PKD1L1: variants seen among roughly 807,000 people sequenced by gnomAD.
The protein encoded by PKD1L1 is polycystin 1 like 1, transient receptor potential channel interacting.
A neutral mutation model predicts 323.4 loss-of-function variants in PKD1L1; 236 were observed. The observed-to-expected ratio is 0.73, with a 90% CI of 0.66 to 0.81. The LOEUF (loss-of-function observed/expected upper bound fraction) is 0.81, where lower values mean the gene tolerates loss of function less well. Ranked by LOEUF, PKD1L1 falls within the 40% of genes least tolerant of loss-of-function variation. PKD1L1 has a pLI of 0.00. For missense variants in PKD1L1, 3,320 were observed against 3,508.0 expected, an observed-to-expected ratio of 0.95 and a Z score of 1.35; for synonymous variants, 1,344 against 1,335.0, an observed-to-expected ratio of 1.01 and a Z score of -0.15.
Position 47,902,450 on chromosome 7 carries a change from G to C in PKD1L1, c.1993C>G (p.Gln665Glu), listed in dbSNP as rs1192413153. Reference protein sequence around the residue: ...FNNVSASTLRQQLFIVCEPCQ... With the variant: ...FNNVSASTLREQLFIVCEPCQ... ...GGCTCGCACACGATGAAAAGTTGCT[G>C]TCTTAGAGTGGAGGCACTGACATTA... Residue 665 changes from glutamine (Q) to glutamate (E), a missense_variant, in exon 13 of 57, where the codon CAG becomes GAG. Transcript: ENST00000289672. 6.8e-6 allele frequency: 11 copies of C among 1,614,170 alleles called. No individual in the cohort carries two copies. The highest frequency in any genetic ancestry group is 9.3e-6 in the Non-Finnish European group (11 of 1,179,988).
At chr7:47,895,513 G>A (rs1786915787) in intron 14 of PKD1L1, among the ~76,000 whole-genome samples, 1 of 151,916 alleles carries the variant, frequency 6.6e-6, no homozygotes, top group Non-Finnish European at 1.5e-5. Flanking sequence ...GAGGGAGGGA[G>A]GGGTAAGAGG....
chr7:47,911,594 G>T (rs1404490151), intron 8 of PKD1L1, among the ~76,000 whole-genome samples: 1 of 152,140 alleles, frequency 6.6e-6, no homozygotes, highest in African/African-American at 2.4e-5. Context: ...TCTTCTAGGA[G>T]TTAATCCAAA....
intron 1 of PKD1L1, among the ~76,000 whole-genome samples, chr7:47,945,074 G>T (rs1788068029): frequency 2.0e-5 from 3 of 152,232 alleles, no homozygotes; most frequent in Middle Eastern, 3.4e-3. Context: ...CAGTCACCTT[G>T]CCTCTCTGTG....
chr7:47,793,268 C>T (rs1211113481), intron 55 of PKD1L1, among the ~76,000 whole-genome samples: 1 of 152,132 alleles, frequency 6.6e-6, no homozygotes, highest in Non-Finnish European at 1.5e-5. Context: ...CTGGATGATG[C>T]TTAAATATCA....
At chr7:47,917,215 AAAAG>A (rs1208247024) in intron 7 of PKD1L1, among the ~76,000 whole-genome samples, 1 of 152,204 alleles carries the variant, frequency 6.6e-6, no homozygotes, top group Non-Finnish European at 1.5e-5. Flanking sequence ...TTGAGCAAGT[AAAAG>A]AAAGAAATTC....
intron 23 of PKD1L1, among the ~76,000 whole-genome samples, chr7:47,874,708 A>G (rs1338475256): frequency 7.3e-6 from 1 of 137,448 alleles, no homozygotes; most frequent in Non-Finnish European, 1.5e-5. Context: ...CTATGCACGG[A>G]TATAGAAAAT....
chr7:47,800,201 G>A (rs761096010), intron 54 of PKD1L1, among the ~76,000 whole-genome samples: 1 of 152,212 alleles, frequency 6.6e-6, no homozygotes, highest in South Asian at 2.1e-4. Flanking sequence ...GTAGGAGGGC[G>A]TGAAACAGGG....
rs529613777 is a variant in PKD1L1, at chr7:47,864,782, G to A, written c.4149+434C>T. Among the ~76,000 whole-genome samples, 8 of 147,624 alleles carry A rather than the reference G, an allele frequency of 5.4e-5. No homozygotes were observed. The East Asian group carries it at 6.3e-4, about 12-fold the overall frequency. On this transcript the variant is annotated intron_variant, in intron 26 of 56. Coordinates refer to ENST00000289672, the MANE Select transcript of PKD1L1 (RefSeq NM_138295.5). ...TGCCCAGGCTGGAGTGCAGTGGCGC[G>A]ATCTCGGCTCACTGCAACCTCCGCC...
Position 47,827,205 on chromosome 7 carries a change from C to T in PKD1L1, c.6854+145G>A, listed in dbSNP as rs968484170. On this transcript the variant is annotated intron_variant, in intron 45 of 56. Coordinates refer to ENST00000289672, the MANE Select transcript of PKD1L1 (RefSeq NM_138295.5). ...CAGGTTGTTATATAAATAAGGATGG[C>T]TCTGGGGACAGCAAGGTGGTCCCCA... 24 of 641,290 alleles carry T rather than the reference C, an allele frequency of 3.7e-5. No individual in the cohort carries two copies. The African/African-American group carries it at 4.4e-4, about 12-fold the overall frequency. The allele number at this position is 641,290 out of a possible 1,614,324, so 39.7% of individuals were successfully genotyped here.
intron 13 of PKD1L1, among the ~76,000 whole-genome samples, chr7:47,898,596 T>A (rs1178220377): frequency 6.6e-6 from 1 of 152,078 alleles, no homozygotes; most frequent in African/African-American, 2.4e-5. Flanking sequence ...AATCAATGAA[T>A]ATAATAAGAA....
intron 26 of PKD1L1, among the ~76,000 whole-genome samples, chr7:47,862,618 G>C (rs138977576): frequency 6.5e-4 from 99 of 152,282 alleles, no homozygotes; most frequent in African/African-American, 2.3e-3. Context: ...AACAGGAAGA[G>C]AGGATAATAA....
intron 30 of PKD1L1, 142 bp downstream of exon 30, chr7:47,854,740 G>T: frequency 9.4e-7 from 1 of 1,067,740 alleles, no homozygotes; most frequent in Non-Finnish European, 1.4e-6. Context: ...CCAAACAGCA[G>T]AATAGATAAC....
At chr7:47,944,921 AATG>A (rs1192612893) in intron 1 of PKD1L1, among the ~76,000 whole-genome samples, 1 of 152,172 alleles carries the variant, frequency 6.6e-6, no homozygotes, top group African/African-American at 2.4e-5. Flanking sequence ...TTCAGCCAGA[AATG>A]GATGGTGTGA....
At chr7:47,921,947 C>T (rs1787552020) in intron 7 of PKD1L1, among the ~76,000 whole-genome samples, 1 of 147,954 alleles carries the variant, frequency 6.8e-6, no homozygotes, top group Admixed American at 6.8e-5. Flanking sequence ...TTTGCACAGT[C>T]TCCCTCTGAT....
In PKD1L1 at chr7:47,834,933, C is replaced by G. The variant is rs375512085; in HGVS notation, c.6127+34G>C. On this transcript the variant is annotated intron_variant, in intron 39 of 56. Transcript: ENST00000289672. ...GATTGGTGCAAAAGGCTCAGCCCCA[C>G]GGAGAGTTTCTGAGAGTTTTAATGT... 3 of 1,589,364 alleles carry G rather than the reference C, an allele frequency of 1.9e-6. 1 individual carries two copies. In the South Asian group the frequency reaches 3.3e-5, roughly 18 times the overall value.
chr7:47,817,737 A>G (rs1404979417), intron 46 of PKD1L1, among the ~76,000 whole-genome samples: 4 of 152,028 alleles, frequency 2.6e-5, no homozygotes, highest in Admixed American at 2.0e-4. Context: ...AGACATGGTG[A>G]TGGGCGCCTG....
intron 56 of PKD1L1, among the ~76,000 whole-genome samples, chr7:47,782,654 C>T (rs1222175501): frequency 6.6e-6 from 1 of 152,278 alleles, no homozygotes; most frequent in East Asian, 1.9e-4. Context: ...GACATTGGTA[C>T]ACCCATGTGT....
At position 47,929,449 on chromosome 7, in the gene PKD1L1, G is replaced by A; in HGVS notation, c.815C>T (p.Pro272Leu). 3.1e-6 allele frequency: 5 copies of A among 1,614,094 alleles called. No homozygotes were observed. Among genetic ancestry groups the A allele is most frequent in the South Asian group, 1.1e-5 (1 of 91,076 alleles). Reference sequence around the variant, plus strand: ...GGCCACAGGAGGATGCTGAGTAGGGGGATAGAGGATCTCAGAACCAGACTG... The same window carrying A: ...GGCCACAGGAGGATGCTGAGTAGGGAGATAGAGGATCTCAGAACCAGACTG... ...ASQSGSEILY[P>L]PTQHPPVAIL... The change falls in exon 7 of 57, where the codon CCC becomes CTC. Residue 272 changes from proline (P) to leucine (L), a missense_variant. Physicochemically the swap from Pro to Leu is moderately conservative, Grantham distance 98. Coordinates refer to ENST00000289672, the MANE Select transcript of PKD1L1 (RefSeq NM_138295.5).
At chr7:47,838,876 C>CAAAAAAAAAAAAAAAAAAAAAAAAAAA (rs57858359) in intron 36 of PKD1L1, among the ~76,000 whole-genome samples, 1 of 85,342 alleles carries the variant, frequency 1.2e-5, no homozygotes. Flanking sequence ...GACTCCATCT[C>CAAAAAAAAAAAAAAAAAAAAAAAAAAA]AAAAAAAAAA....
Sources: gnomAD v4.1 joint callset for allele counts (sites outside exome capture counted in the v4.1 genomes callset) on GRCh38, gnomAD v4.1.1 for gene constraint, MANE v1.5 for transcripts, NCBI Gene and HGNC (gene_info 2026-07-23, HGNC 2026-07-21) for gene names.